The following RGS6 variants were observed in gnomAD, a reference collection of about 807,000 sequenced individuals.
RGS6 encodes the protein regulator of G-protein signaling 6.
A neutral mutation model predicts 78.5 loss-of-function variants in RGS6; 30 were observed. That is an observed-to-expected ratio of 0.38 (90% CI 0.29 to 0.52). The LOEUF is 0.52. Ranked by LOEUF, RGS6 falls within the 20% of genes least tolerant of loss-of-function variation. The pLI is 0.85. For missense variants in RGS6, 495 were observed against 609.7 expected (o/e 0.81, Z 1.98); for synonymous variants, 206 against 206.0 (o/e 1.00, Z 0.00).
chr14:72,166,132 ACAC>A (rs199871141), intron 2 of RGS6, among the ~76,000 whole-genome samples: 33,770 of 133,116 alleles, frequency 0.25, 4,103 homozygotes, highest in East Asian at 0.37. Flanking sequence ...ACACACACAC[ACAC>A]ACAGACTGAC....
At chr14:72,114,228 A>T (rs1282179051) in intron 2 of RGS6, among the ~76,000 whole-genome samples, 1 of 152,070 alleles carries the variant, frequency 6.6e-6, no homozygotes, top group Non-Finnish European at 1.5e-5. Context: ...GTCAGCTTCG[A>T]TCCTTGTTTA....
At chr14:72,282,338 C>G (rs1018228231) in intron 2 of RGS6, among the ~76,000 whole-genome samples, 1 of 152,180 alleles carries the variant, frequency 6.6e-6, no homozygotes, top group Non-Finnish European at 1.5e-5. Context: ...TGTGACAGAT[C>G]ATCAGTGTGC....
At chr14:71,944,794 T>G (rs2091239223) in intron 1 of RGS6, among the ~76,000 whole-genome samples, 1 of 152,154 alleles carries the variant, frequency 6.6e-6, no homozygotes. Context: ...AATGTATCAT[T>G]AGGTGATTTT....
At chr14:72,332,416 GAA>G (rs1304085821) in intron 2 of RGS6, among the ~76,000 whole-genome samples, 1 of 152,162 alleles carries the variant, frequency 6.6e-6, no homozygotes, top group East Asian at 1.9e-4. Flanking sequence ...ACCAATGAGA[GAA>G]AAAGGGAAAG....
chr14:72,277,226 T>C (rs1288659937), intron 2 of RGS6, among the ~76,000 whole-genome samples: 1 of 152,228 alleles, frequency 6.6e-6, no homozygotes, highest in African/African-American at 2.4e-5. Flanking sequence ...AGAGGAGGCC[T>C]CTTTGTTCCT....
At chr14:72,228,430 A>G (rs1185895462) in intron 2 of RGS6, among the ~76,000 whole-genome samples, 9 of 152,160 alleles carry the variant, frequency 5.9e-5, no homozygotes, top group Admixed American at 5.2e-4. Flanking sequence ...GTAGGTTACC[A>G]TGTTAACAAA....
intron 3 of RGS6, among the ~76,000 whole-genome samples, chr14:72,408,410 A>G (rs1298572242): frequency 6.6e-6 from 1 of 152,234 alleles, no homozygotes; most frequent in East Asian, 1.9e-4. Context: ...GAGTGCTGTC[A>G]TGAGATTTCA....
Position 72,173,600 on chromosome 14 carries a change from C to T in RGS6, c.85-178495C>T, listed in dbSNP as rs75203559. On this transcript the variant is annotated intron_variant, in intron 2 of 17. Coordinates refer to ENST00000553525, the MANE Select transcript of RGS6 (RefSeq NM_001204424.2). ...GTTTTTCCCATGACACACATTTCTT[C>T]CGTCCCTCTCCAATAACCTCGACTC... Among the ~76,000 whole-genome samples, 110 of 152,260 alleles carry T rather than the reference C, an allele frequency of 7.2e-4. 1 individual carries two copies. The highest frequency in any genetic ancestry group is 2.5e-3 in the African/African-American group (102 of 41,546).
chr14:72,252,956 A>T (rs2056183560), intron 2 of RGS6, among the ~76,000 whole-genome samples: 1 of 152,202 alleles, frequency 6.6e-6, no homozygotes, highest in African/African-American at 2.4e-5. Context: ...GTTACTTCTC[A>T]AGGTCTTGTG....
At chr14:72,234,592 C>T (rs894986428) in intron 2 of RGS6, among the ~76,000 whole-genome samples, 4 of 152,076 alleles carry the variant, frequency 2.6e-5, no homozygotes, top group South Asian at 4.2e-4. Flanking sequence ...GAGCTGTGAT[C>T]GTCTTGGCTC....
intron 2 of RGS6, among the ~76,000 whole-genome samples, chr14:71,966,763 G>A (rs1303647657): frequency 6.6e-6 from 1 of 152,146 alleles, no homozygotes; most frequent in African/African-American, 2.4e-5. Flanking sequence ...TTCTTTTCAT[G>A]TTTAGGTCTT....
chr14:72,073,091 AC>A (rs2094461962), intron 2 of RGS6, among the ~76,000 whole-genome samples: 1 of 152,148 alleles, frequency 6.6e-6, no homozygotes, highest in Non-Finnish European at 1.5e-5. Context: ...TCCTTCTGCC[AC>A]TCACTAGATG....
intron 6 of RGS6, among the ~76,000 whole-genome samples, chr14:72,460,083 C>G (rs2095740268): frequency 6.6e-6 from 1 of 152,170 alleles, no homozygotes; most frequent in African/African-American, 2.4e-5. Flanking sequence ...TTCTCATAGA[C>G]TTGTCAAAAC....
intron 17 of RGS6, among the ~76,000 whole-genome samples, chr14:72,556,379 G>C (rs1485419488): frequency 6.6e-6 from 1 of 152,048 alleles, no homozygotes; most frequent in African/African-American, 2.4e-5. Context: ...TAGCATGGGG[G>C]AAACCACCCC....
downstream of RGS6, among the ~76,000 whole-genome samples, chr14:72,567,178 G>T (rs944800890): frequency 2.0e-5 from 3 of 152,290 alleles, no homozygotes; most frequent in East Asian, 1.9e-4. Flanking sequence ...ATGAAAATGG[G>T]ACTCCAGTCA....
At chr14:72,457,237 A>G (rs764858457) in intron 4 of RGS6, among the ~76,000 whole-genome samples, 8 of 152,206 alleles carry the variant, frequency 5.3e-5, no homozygotes, top group Non-Finnish European at 1.2e-4. Flanking sequence ...ATTGTATTCA[A>G]CTTCTTGAAA....
chr14:72,544,392 T>C (rs2097365042), intron 17 of RGS6, among the ~76,000 whole-genome samples: 1 of 152,120 alleles, frequency 6.6e-6, no homozygotes, highest in South Asian at 2.1e-4. Context: ...GGAGGCTCAG[T>C]TGAAACCTTA....
At chr14:72,212,812 G>A (rs2044502270) in intron 2 of RGS6, among the ~76,000 whole-genome samples, 4 of 152,182 alleles carry the variant, frequency 2.6e-5, no homozygotes, top group African/African-American at 9.7e-5. Flanking sequence ...CATAGTGATG[G>A]AGTAGGCCCA....
At chr14:72,307,193 A>G (rs1005632254) in intron 2 of RGS6, among the ~76,000 whole-genome samples, 1 of 152,238 alleles carries the variant, frequency 6.6e-6, no homozygotes, top group South Asian at 2.1e-4. Context: ...ATTTTAAAAT[A>G]AGGTATATAC....
Sources: allele counts gnomAD v4.1 joint callset (sites outside exome capture counted in the v4.1 genomes callset), GRCh38; gene constraint gnomAD v4.1.1; transcripts MANE v1.5; gene names NCBI Gene and HGNC (gene_info 2026-07-23, HGNC 2026-07-21).